The following CSMD1 variants were observed in gnomAD, a reference collection of about 807,000 sequenced individuals.
CSMD1 encodes CUB and Sushi multiple domains 1.
Under a neutral mutation model 417.5 loss-of-function variants are expected in CSMD1, and 213 were observed. The observed-to-expected ratio is 0.51, with a 90% confidence interval of 0.46 to 0.57. The LOEUF is 0.57. Among genes scored for constraint, CSMD1 ranks in the 20% least tolerant of loss-of-function variants. CSMD1 has a pLI of 0.00. For missense variants in CSMD1, 6,923 were observed against 4,529.7 expected, an observed-to-expected ratio of 1.53 and a Z score of -15.17; for synonymous variants, 2,862 against 1,736.8, an observed-to-expected ratio of 1.65 and a Z score of -16.11.
At chr8:4,411,852 A>T (rs1796665289) in intron 3 of CSMD1, among the ~76,000 whole-genome samples, 2 of 152,206 alleles carry the variant, frequency 1.3e-5, no homozygotes, top group South Asian at 4.1e-4. Flanking sequence ...CCAAAATGGA[A>T]TTATGTTGCA....
intron 29 of CSMD1, among the ~76,000 whole-genome samples, chr8:3,217,762 C>G (rs1396220582): frequency 1.3e-5 from 2 of 151,954 alleles, no homozygotes; most frequent in Non-Finnish European, 2.9e-5. Context: ...TGTGCAGATT[C>G]TGATGTTTGG....
intron 1 of CSMD1, among the ~76,000 whole-genome samples, chr8:4,927,660 G>C (rs1563788559): frequency 6.6e-6 from 1 of 152,168 alleles, no homozygotes; most frequent in Non-Finnish European, 1.5e-5. Flanking sequence ...TAATTACTCA[G>C]GTAAGTGGTG....
At chr8:3,703,604 G>A (rs1298499749) in intron 7 of CSMD1, among the ~76,000 whole-genome samples, 1 of 152,118 alleles carries the variant, frequency 6.6e-6, no homozygotes, top group Non-Finnish European at 1.5e-5. Flanking sequence ...TGAACTAAAG[G>A]TACAATCAAG....
chr8:3,594,504 A>C (rs866080458), intron 8 of CSMD1, among the ~76,000 whole-genome samples: 1 of 152,170 alleles, frequency 6.6e-6, no homozygotes, highest in African/African-American at 2.4e-5. Context: ...TGTTCAGACA[A>C]TTGCATATAA....
chr8:3,754,006 A>T lies in CSMD1; in HGVS notation c.855T>A (p.Ser285Arg). The change falls in exon 6 of 70, where the codon AGT becomes AGA. Residue 285 changes from serine to arginine, a missense_variant. Physicochemically the swap from Ser to Arg is moderately radical, Grantham distance 110. Transcript: ENST00000635120. ...TGMNLPSPVISSKNWLRLHFT... is the reference protein window; with the variant it reads ...TGMNLPSPVIRSKNWLRLHFT... ...AATGGAGTCGTAGCCAATTCTTGCT[A>T]CTGATAACTGGAGAGGGGAGGTTCA... 1 of 1,613,190 alleles carries T rather than the reference A, an allele frequency of 6.2e-7. No homozygotes were observed. The highest frequency in any genetic ancestry group is 8.5e-7 in the Non-Finnish European group (1 of 1,179,444).
In CSMD1 at chr8:3,470,795, G is replaced by C. The variant is rs1024564269; in HGVS notation, c.1449-1971C>G. On this transcript the variant is annotated intron_variant, in intron 11 of 69. Coordinates refer to ENST00000635120, the MANE Select transcript of CSMD1 (RefSeq NM_033225.6). The stretch of plus-strand genomic sequence containing the variant: ...CACAGTGTTTAACAACCTGGGATTG[G>C]ATTTTACTTAGCTTAATTCCTGGAA... Among the ~76,000 whole-genome samples the C allele has an allele frequency of 3.3e-5, 5 of 152,168 alleles. No individual in the cohort carries two copies. The East Asian group carries it at 5.8e-4, about 18-fold the overall frequency.
chr8:3,783,108 C>A (rs1230249829), intron 5 of CSMD1, among the ~76,000 whole-genome samples: 2 of 152,146 alleles, frequency 1.3e-5, no homozygotes, highest in South Asian at 4.1e-4. Context: ...CCTCCACCAT[C>A]CTCCCTTCTC....
At chr8:4,749,184 T>C (rs1174027609) in intron 1 of CSMD1, among the ~76,000 whole-genome samples, 1 of 152,260 alleles carries the variant, frequency 6.6e-6, no homozygotes, top group African/African-American at 2.4e-5. Context: ...TTGATTGATA[T>C]GGATTAGAAT....
chr8:3,833,072 T>C (rs773180232), intron 5 of CSMD1, among the ~76,000 whole-genome samples: 1 of 152,148 alleles, frequency 6.6e-6, no homozygotes, highest in African/African-American at 2.4e-5. Flanking sequence ...TGTTTGAATG[T>C]TTCTGATTTT....
At chr8:3,992,324 T>A (rs1237593917) in intron 5 of CSMD1, among the ~76,000 whole-genome samples, 3 of 152,152 alleles carry the variant, frequency 2.0e-5, no homozygotes, top group African/African-American at 7.2e-5. Flanking sequence ...CAAGGGGAAC[T>A]CTGGGGTGAC....
intron 3 of CSMD1, among the ~76,000 whole-genome samples, chr8:4,268,698 A>T (rs1347123271): frequency 6.6e-6 from 1 of 151,824 alleles, no homozygotes; most frequent in Non-Finnish European, 1.5e-5. Context: ...GTGTATCTCA[A>T]TTTTTTTTGA....
At chr8:3,946,892 T>C (rs900829500) in intron 5 of CSMD1, among the ~76,000 whole-genome samples, 3 of 152,202 alleles carry the variant, frequency 2.0e-5, no homozygotes, top group Non-Finnish European at 2.9e-5. Context: ...TATATTGTGA[T>C]CTCAAACCAT....
chr8:3,558,236 A>G (rs1268937801), intron 10 of CSMD1, among the ~76,000 whole-genome samples: 1 of 149,184 alleles, frequency 6.7e-6, no homozygotes, highest in South Asian at 2.1e-4. Context: ...TCCAATGACA[A>G]ATAGTGCCTC....
intron 5 of CSMD1, among the ~76,000 whole-genome samples, chr8:3,952,893 A>G (rs1811684002): frequency 6.6e-6 from 1 of 152,222 alleles, no homozygotes; most frequent in Non-Finnish European, 1.5e-5. Flanking sequence ...ACCCAAGGCA[A>G]CTCAGCGAAA....
In CSMD1 at chr8:4,051,922, T is replaced by C. The variant is rs1024311568; in HGVS notation, c.416-19823A>G. ...TTCCTTCCTTCCTTCCTTTCTTTCT[T>C]TTTCTTTCTTTCTTTCTTTCTTGAC... is the stretch of plus-strand genomic sequence containing the variant. On this transcript the variant is annotated intron_variant, in intron 3 of 69. Coordinates refer to ENST00000635120, the MANE Select transcript of CSMD1 (RefSeq NM_033225.6). Among the ~76,000 whole-genome samples, 6 of 150,644 alleles carry C rather than the reference T, an allele frequency of 4.0e-5. No homozygotes were observed. The East Asian group carries it at 5.8e-4, about 15-fold the overall frequency.
At chr8:4,001,897 A>C (rs892391252) in intron 4 of CSMD1, among the ~76,000 whole-genome samples, 27 of 116,202 alleles carry the variant, frequency 2.3e-4, no homozygotes, top group African/African-American at 7.6e-4. Context: ...AGCACAGAGG[A>C]AAAAAAAAAT....
At chr8:4,339,529 T>C (rs1800358221) in intron 3 of CSMD1, among the ~76,000 whole-genome samples, 3 of 152,146 alleles carry the variant, frequency 2.0e-5, no homozygotes, top group Non-Finnish European at 2.9e-5. Flanking sequence ...ATTTCAGTCC[T>C]ACATTTCTAA....
Position 3,358,037 on chromosome 8 carries a change from A to T in CSMD1, c.3304+1115T>A, listed in dbSNP as rs191164300. Among the ~76,000 whole-genome samples, 5 of 152,288 alleles carry T rather than the reference A, an allele frequency of 3.3e-5. No homozygotes were observed. The East Asian group carries it at 7.7e-4, about 24-fold the overall frequency. Reference sequence around the variant, plus strand: ...CATAATATCCCTAAGCAACCCCAAAAATCTGCCCCAAAGGCAGAATCAAAG... The same window carrying T: ...CATAATATCCCTAAGCAACCCCAAATATCTGCCCCAAAGGCAGAATCAAAG... On this transcript the variant is annotated intron_variant, in intron 21 of 69. Coordinates refer to ENST00000635120, the MANE Select transcript of CSMD1 (RefSeq NM_033225.6).
intron 4 of CSMD1, among the ~76,000 whole-genome samples, chr8:4,016,599 G>C (rs935801082): frequency 6.6e-5 from 10 of 152,190 alleles, no homozygotes; most frequent in Admixed American, 5.2e-4. Flanking sequence ...CCTTTCCCCA[G>C]ATGAGGAAAA....
Sources: gnomAD v4.1 joint callset for allele counts (sites outside exome capture counted in the v4.1 genomes callset) on GRCh38, gnomAD v4.1.1 for gene constraint, MANE v1.5 for transcripts, NCBI Gene and HGNC (gene_info 2026-07-23, HGNC 2026-07-21) for gene names.